TNKS2: variants seen among roughly 807,000 people sequenced by gnomAD.
TNKS2 encodes poly [ADP-ribose] polymerase tankyrase-2.
Under a neutral mutation model 137.6 loss-of-function variants are expected in TNKS2, and 72 were observed. The observed-to-expected ratio is 0.52, with a 90% confidence interval of 0.43 to 0.64. The LOEUF is 0.64. Among genes scored for constraint, TNKS2 ranks in the 30% least tolerant of loss-of-function variants. TNKS2 has a pLI of 0.00. For missense variants in TNKS2, 1,049 were observed against 1,410.2 expected (o/e 0.74, Z 4.10); for synonymous variants, 516 against 512.1 (o/e 1.01, Z -0.10).
rs1332335726 is a variant in TNKS2 at position 91,823,501 on chromosome 10, A to G, written c.795+1139A>G. ...TGCCACCATGCCCAGCTAATTTTCT[A>G]TTTTTAGTAGATACAGAGTTTCACC... On this transcript the variant is annotated intron_variant, in intron 7 of 26. Coordinates refer to ENST00000371627, the MANE Select transcript of TNKS2 (RefSeq NM_025235.4). 4.0e-5 allele frequency among the ~76,000 whole-genome samples: 6 copies of G among 151,350 alleles called. No individual in the cohort carries two copies. The East Asian group carries it at 1.2e-3, about 29-fold the overall frequency.
intron 11 of TNKS2, 89 bp from the exon 12 acceptor site, chr10:91,833,764 T>C: frequency 1.8e-6 from 2 of 1,101,012 alleles, no homozygotes; most frequent in East Asian, 2.7e-5. Flanking sequence ...GAATTGAGAC[T>C]TAAAAGTAGT....
At position 91,827,163 on chromosome 10, in the gene TNKS2, A is replaced by C; in HGVS notation, c.942A>C (p.Ile314=). 1 of 1,590,046 alleles carries C rather than the reference A, an allele frequency of 6.3e-7. No homozygotes were observed. Among genetic ancestry groups the C allele is most frequent in the Non-Finnish European group, 8.6e-7 (1 of 1,167,484 alleles). Residue 314 remains isoleucine (I), a synonymous_variant, in exon 8 of 27, where the codon ATA becomes ATC. Transcript: ENST00000371627. ...TLLNCHNKSA[I]DLAPTPQLKE... ...TCAATTGTCACAATAAAAGTGCTAT[A>C]GACTTGGCTCCCACACCACAGTTAA...
chr10:91,818,310 TAAAG>T (rs753001613), intron 3 of TNKS2, among the ~76,000 whole-genome samples: 96 of 152,286 alleles, frequency 6.3e-4, no homozygotes, highest in Non-Finnish European at 1.0e-3. Context: ...AAGCCTTTAA[TAAAG>T]AAAAGAAATA....
At chr10:91,841,816 T>C (rs1842216540) in intron 15 of TNKS2, among the ~76,000 whole-genome samples, 1 of 152,164 alleles carries the variant, frequency 6.6e-6, no homozygotes, top group South Asian at 2.1e-4. Flanking sequence ...CAGATACCAG[T>C]GGATATTTTA....
chr10:91,802,589 G>A (rs1844203864), intron 1 of TNKS2, among the ~76,000 whole-genome samples: 1 of 152,240 alleles, frequency 6.6e-6, no homozygotes, highest in African/African-American at 2.4e-5. Context: ...AAAGTGGGAT[G>A]ATTCCTCCAA....
At chr10:91,855,583 G>A in intron 22 of TNKS2, 31 bp from the exon 23 acceptor site, 2 of 1,544,284 alleles carry the variant, frequency 1.3e-6, no homozygotes, top group Non-Finnish European at 1.8e-6. Context: ...AAATGCTAAT[G>A]CACATATATT....
chr10:91,842,306 A>G lies in TNKS2; in HGVS notation c.1974A>G (p.Leu658=). The change falls in exon 16 of 27, where the codon TTA becomes TTG. Residue 658 remains leucine, a synonymous_variant. Transcript: ENST00000371627. ...TAGATGCTGCCAAGAAGGGTTGTTT[A>G]GCCAGAGTGAAGAAGTTGTCTTCTC... is the stretch of plus-strand genomic sequence containing the variant. The part of the protein sequence containing the change: ...ALLDAAKKGC[L]ARVKKLSSPD... 6 of 1,614,198 alleles carry G rather than the reference A, an allele frequency of 3.7e-6. No individual in the cohort carries two copies. Among genetic ancestry groups the G allele is most frequent in the Non-Finnish European group, 5.1e-6 (6 of 1,180,012 alleles).
chr10:91,813,733 C>G (rs1246069909), intron 2 of TNKS2, among the ~76,000 whole-genome samples: 1 of 152,128 alleles, frequency 6.6e-6, no homozygotes, highest in Non-Finnish European at 1.5e-5. Flanking sequence ...ACATAGTATG[C>G]AGTCATGCTC....
chr10:91,820,056 G>A (rs1452888504), intron 6 of TNKS2, 23 bp downstream of exon 6: 4 of 1,477,758 alleles, frequency 2.7e-6, no homozygotes, highest in Non-Finnish European at 3.6e-6. Flanking sequence ...ACAAAAACAA[G>A]GACTTTTTAA....
chr10:91,822,619 G>A (rs1267224222), intron 7 of TNKS2, among the ~76,000 whole-genome samples: 1 of 151,826 alleles, frequency 6.6e-6, no homozygotes, highest in African/African-American at 2.4e-5. Context: ...AGGCCGGAGT[G>A]CAGTGGTGCA....
At chr10:91,815,946 C>CTT in intron 2 of TNKS2, among the ~76,000 whole-genome samples, 1 of 95,436 alleles carries the variant, frequency 1.0e-5, no homozygotes, top group Non-Finnish European at 1.9e-5. Flanking sequence ...ACAAGACTTT[C>CTT]TCTTTTTTTT....
At chr10:91,807,397 C>T (rs1481978217) in intron 1 of TNKS2, 36 of 1,613,960 alleles carry the variant, frequency 2.2e-5, no homozygotes, top group South Asian at 1.2e-4. Flanking sequence ...TAAAGCTTCT[C>T]GGCAGCGCGG....
At chr10:91,836,853 C>T in intron 12 of TNKS2, 66 bp from the exon 13 acceptor site, 1 of 1,548,754 alleles carries the variant, frequency 6.5e-7, no homozygotes, top group Non-Finnish European at 8.7e-7. Context: ...GAGATGCCTT[C>T]CATAAAGCTT....
chr10:91,813,828 T>C (rs1844586159), intron 2 of TNKS2, among the ~76,000 whole-genome samples: 1 of 152,180 alleles, frequency 6.6e-6, no homozygotes, highest in Non-Finnish European at 1.5e-5. Context: ...TGTCACCTAC[T>C]GACTTTGTAG....
chr10:91,819,899 AT>A, intron 5 of TNKS2, 39 bp from the exon 6 acceptor site: 1 of 1,438,132 alleles, frequency 7.0e-7, no homozygotes, highest in Non-Finnish European at 9.4e-7. Context: ...TTATTCAACC[AT>A]TATTTGAATT....
At chr10:91,802,138 G>A (rs758151309) in intron 1 of TNKS2, among the ~76,000 whole-genome samples, 2 of 152,164 alleles carry the variant, frequency 1.3e-5, no homozygotes, top group Non-Finnish European at 2.9e-5. Flanking sequence ...GTTAGTATGA[G>A]TATGCTACTG....
At position 91,820,047 on chromosome 10, in the gene TNKS2, CA is replaced by C. The variant is rs775488726; in HGVS notation, c.728+19del. The C allele has an allele frequency of 1.3e-6, 2 of 1,516,412 alleles. No individual in the cohort carries two copies. The highest frequency in any genetic ancestry group is 1.8e-6 in the Non-Finnish European group (2 of 1,126,522). The allele number at this position is 1,516,412 out of a possible 1,614,324, so 93.9% of individuals were successfully genotyped here. A position where few individuals can be genotyped will look rare whatever the true frequency, so the allele number is the denominator to read the frequency against. ...TAAAGATAAAGGGTAAGCATTTGAA[CA>C]AAAACAAGGACTTTTTAAATGTTAC... is the stretch of plus-strand genomic sequence containing the variant. On this transcript the variant is annotated intron_variant, in intron 6 of 26. Coordinates refer to ENST00000371627, the MANE Select transcript of TNKS2 (RefSeq NM_025235.4).
At chr10:91,826,549 A>G (rs1210316067) in intron 7 of TNKS2, among the ~76,000 whole-genome samples, 1 of 152,244 alleles carries the variant, frequency 6.6e-6, no homozygotes, top group Non-Finnish European at 1.5e-5. Context: ...ATGAAATTGA[A>G]GAACAGATAT....
At chr10:91,836,158 A>G (rs75510467) in intron 12 of TNKS2, among the ~76,000 whole-genome samples, 9 of 149,054 alleles carry the variant, frequency 6.0e-5, no homozygotes, top group African/African-American at 9.9e-5. Context: ...TGCATGTTAC[A>G]GTTTGGTTTT....
Sources: allele counts gnomAD v4.1 joint callset (sites outside exome capture counted in the v4.1 genomes callset), GRCh38; gene constraint gnomAD v4.1.1; transcripts MANE v1.5; gene names NCBI Gene and HGNC (gene_info 2026-07-23, HGNC 2026-07-21).